NAV3: variants seen among roughly 807,000 people sequenced by gnomAD.
NAV3 encodes pore membrane and/or filament interacting like protein 1.
Under a neutral mutation model 244.7 loss-of-function variants are expected in NAV3, and 87 were observed. That is an observed-to-expected ratio of 0.36 (90% CI 0.30 to 0.42). NAV3 has a LOEUF of 0.42. Among genes scored for constraint, NAV3 ranks in the 20% least tolerant of loss-of-function variants. NAV3 has a pLI of 1.00. For synonymous variants in NAV3, 1,126 were observed against 1,042.2 expected (o/e 1.08, Z -1.55); for missense variants, 2,663 against 2,893.3 (o/e 0.92, Z 1.83).
intron 1 of NAV3, among the ~76,000 whole-genome samples, chr12:77,872,695 T>A (rs1881153407): frequency 6.6e-6 from 1 of 152,314 alleles, no homozygotes; most frequent in East Asian, 1.9e-4. Context: ...ATTTAAATCA[T>A]GTTTACCAAG....
chr12:77,898,168 G>A (rs1349587633), intron 1 of NAV3, among the ~76,000 whole-genome samples: 1 of 152,012 alleles, frequency 6.6e-6, no homozygotes, highest in Non-Finnish European at 1.5e-5. Flanking sequence ...TTGGCATTTG[G>A]TATTTTTTAT....
chr12:77,694,355 C>T (rs372196347), intron 2 of NAV3, among the ~76,000 whole-genome samples: 3 of 151,824 alleles, frequency 2.0e-5, no homozygotes, highest in East Asian at 1.9e-4. Context: ...CACCTGTAGT[C>T]CCAGCTACTC....
intron 1 of NAV3, among the ~76,000 whole-genome samples, chr12:77,889,147 A>G (rs1329553943): frequency 5.9e-5 from 9 of 152,194 alleles, no homozygotes; most frequent in African/African-American, 2.2e-4. Flanking sequence ...AGGCGTCTGG[A>G]TGAGATTAAC....
chr12:78,137,309 A>G lies in NAV3; in HGVS notation c.4574A>G (p.Glu1525Gly), dbSNP rs765043194. Residue 1525 changes from glutamate (E) to glycine (G), a missense_variant, in exon 19 of 40, where the codon GAG becomes GGG. Glu to Gly is a moderately conservative substitution (Grantham distance 98, BLOSUM62 -2). Transcript: ENST00000397909. The stretch of plus-strand genomic sequence containing the variant: ...CTTTGTGGGAGTGCCACTTCTCTGG[A>G]GGAAAGACCTCGTGCCATCAGTCAT... ...SQLCGSATSLEERPRAISHSG... is the reference protein window; with the variant it reads ...SQLCGSATSLGERPRAISHSG... The G allele has an allele frequency of 6.2e-7, 1 of 1,613,552 alleles. No individual in the cohort carries two copies. The highest frequency in any genetic ancestry group is 8.5e-7 in the Non-Finnish European group (1 of 1,179,706).
At chr12:77,974,727 A>G (rs1893316028) in intron 5 of NAV3, among the ~76,000 whole-genome samples, 1 of 152,202 alleles carries the variant, frequency 6.6e-6, no homozygotes, top group Non-Finnish European at 1.5e-5. Context: ...TGGCATGGTC[A>G]AGTGATTTTA....
rs181444953 is a variant in NAV3 at position 77,669,543 on chromosome 12, G to C, written c.72+97277G>C. On this transcript the variant is annotated intron_variant, in intron 2 of 8. Coordinates refer to the NAV3 transcript ENST00000550042. ...GCAAATGGACACCAAATGCAAGCAG[G>C]AATAGCTATTCTTATATCAGACAAA... Among the ~76,000 whole-genome samples, 90 of 152,178 alleles carry C rather than the reference G, an allele frequency of 5.9e-4. 1 individual carries two copies. Among genetic ancestry groups the C allele is most frequent in the African/African-American group, 1.9e-3 (80 of 41,522 alleles).
chr12:77,651,221 T>C, intron 2 of NAV3, among the ~76,000 whole-genome samples: 1 of 152,164 alleles, frequency 6.6e-6, no homozygotes, highest in East Asian at 1.9e-4. Context: ...CATCAATTCC[T>C]TAGAAAATTT....
At chr12:77,635,856 A>G (rs1276064280) in intron 2 of NAV3, among the ~76,000 whole-genome samples, 1 of 152,204 alleles carries the variant, frequency 6.6e-6, no homozygotes, top group Non-Finnish European at 1.5e-5. Context: ...GAAACAAAAT[A>G]AACTTCCCAA....
At chr12:77,807,535 C>T (rs920737050) in intron 2 of NAV3, among the ~76,000 whole-genome samples, 5 of 152,256 alleles carry the variant, frequency 3.3e-5, no homozygotes, top group South Asian at 4.1e-4. Context: ...GGGTTTCTGC[C>T]GAGAGATCAG....
intron 7 of NAV3, among the ~76,000 whole-genome samples, chr12:78,000,432 C>T (rs956646078): frequency 1.3e-5 from 2 of 151,488 alleles, no homozygotes; most frequent in Non-Finnish European, 2.9e-5. Flanking sequence ...TTATGTCATG[C>T]TGTATTTCCA....
intron 5 of NAV3, among the ~76,000 whole-genome samples, chr12:77,976,685 T>TC (rs1868485465): frequency 1.5e-5 from 2 of 134,414 alleles, no homozygotes; most frequent in Admixed American, 7.4e-5. Context: ...TTTTTTTTTT[T>TC]TTTTTTTGAG....
chr12:77,600,242 C>T (rs1491041), intron 2 of NAV3, among the ~76,000 whole-genome samples: 15,414 of 151,912 alleles, frequency 0.1, 1,100 homozygotes, highest in African/African-American at 0.2. Flanking sequence ...ATTGGTACAG[C>T]ATATCTTTGG....
chr12:78,118,253 C>T lies in NAV3; in HGVS notation c.2996C>T (p.Ala999Val), dbSNP rs767113619. The change falls in exon 14 of 40, where the codon GCG becomes GTG. Residue 999 changes from alanine to valine, a missense_variant. This residue lies in a region of NAV3 where 1,521 missense variants were observed against 1,497.0 expected (regional missense o/e 1.02). Transcript: ENST00000397909. ...WRRGMSAQGGAPSRQKAGTSA... is the reference protein window; with the variant it reads ...WRRGMSAQGGVPSRQKAGTSA... Reference sequence around the variant, plus strand: ...AGAGGCATGTCTGCCCAAGGAGGGGCGCCATCTAGGCAGAAAGCTGGAACA... The same window carrying T: ...AGAGGCATGTCTGCCCAAGGAGGGGTGCCATCTAGGCAGAAAGCTGGAACA... The T allele has an allele frequency of 6.8e-6, 11 of 1,612,348 alleles. No homozygotes were observed. The highest frequency in any genetic ancestry group is 1.7e-5 in the Admixed American group (1 of 59,896).
intron 18 of NAV3, among the ~76,000 whole-genome samples, chr12:78,133,951 A>G (rs1956270180): frequency 1.3e-5 from 2 of 152,200 alleles, no homozygotes; most frequent in Non-Finnish European, 2.9e-5. Flanking sequence ...CTTGTGAGCC[A>G]TCTCATAACC....
intron 6 of NAV3, among the ~76,000 whole-genome samples, chr12:77,995,412 G>A (rs1044903428): frequency 5.3e-5 from 8 of 152,130 alleles, no homozygotes; most frequent in Non-Finnish European, 8.8e-5. Flanking sequence ...GTTATATACT[G>A]TTTGGAAAAT....
intron 5 of NAV3, among the ~76,000 whole-genome samples, chr12:77,990,209 A>G (rs1871213878): frequency 6.6e-6 from 1 of 152,166 alleles, no homozygotes; most frequent in South Asian, 2.1e-4. Context: ...AGCTGACAAG[A>G]ATGGGAGATC....
chr12:77,609,157 G>T (rs573307259), intron 2 of NAV3, among the ~76,000 whole-genome samples: 1 of 152,064 alleles, frequency 6.6e-6, no homozygotes, highest in Non-Finnish European at 1.5e-5. Flanking sequence ...CAGATGATTT[G>T]TGTACAATTC....
chr12:77,705,443 A>G (rs1485404043), intron 2 of NAV3, among the ~76,000 whole-genome samples: 2 of 151,438 alleles, frequency 1.3e-5, no homozygotes, highest in Non-Finnish European at 2.9e-5. Context: ...ACTACCCTGA[A>G]ATTAAAAGGG....
chr12:77,673,078 CAA>C (rs1262896504), intron 2 of NAV3, among the ~76,000 whole-genome samples: 1 of 152,066 alleles, frequency 6.6e-6, no homozygotes. Context: ...TAGAGGTAAT[CAA>C]GTGTATTTTG....
Sources: gnomAD v4.1 joint callset for allele counts (sites outside exome capture counted in the v4.1 genomes callset) on GRCh38, gnomAD v4.1.1 for gene constraint, gnomAD v4.1.1 regional missense constraint, MANE v1.5 for transcripts, NCBI Gene and HGNC (gene_info 2026-07-23, HGNC 2026-07-21) for gene names.